RPS6KC1: variants seen among roughly 807,000 people sequenced by gnomAD.
RPS6KC1 encodes the protein ribosomal protein S6 kinase C1.
Under a neutral mutation model 103.8 loss-of-function variants are expected in RPS6KC1, and 54 were observed. The observed-to-expected ratio is 0.52, with a 90% CI of 0.42 to 0.65. The LOEUF is 0.65. Among genes scored for constraint, RPS6KC1 ranks in the 30% least tolerant of loss-of-function variants. The probability of loss-of-function intolerance (pLI) is 0.00; values close to 1 mark genes in which losing one functional copy is unlikely to be tolerated. For synonymous variants in RPS6KC1, 439 were observed against 438.7 expected, an observed-to-expected ratio of 1.00 and a Z score of -0.01; for missense variants, 1,151 against 1,253.8, an observed-to-expected ratio of 0.92 and a Z score of 1.24.
the RPS6KC1 span, among the ~76,000 whole-genome samples, chr1:213,535,045 T>TGGCATCAGGG: frequency 1.3e-5 from 2 of 152,234 alleles, no homozygotes; most frequent in Non-Finnish European, 2.9e-5. Flanking sequence ...CCTAGTGGCT[T>TGGCATCAGGG]GGCATCAGGG....
the RPS6KC1 span, among the ~76,000 whole-genome samples, chr1:213,386,665 G>A: frequency 6.6e-6 from 1 of 152,130 alleles, no homozygotes; most frequent in African/African-American, 2.4e-5. Context: ...GGCAGATGTT[G>A]GGGGACTCGG....
At chr1:213,216,091 TAA>T (rs1443824647) in intron 8 of RPS6KC1, among the ~76,000 whole-genome samples, 1 of 152,126 alleles carries the variant, frequency 6.6e-6, no homozygotes, top group Non-Finnish European at 1.5e-5. Context: ...GCAAATTGGA[TAA>T]AGAGTCAAGA....
the RPS6KC1 span, among the ~76,000 whole-genome samples, chr1:213,499,291 G>A: frequency 0.25 from 38,441 of 152,036 alleles, 5,485 homozygotes; most frequent in Middle Eastern, 0.38. Flanking sequence ...TTGACTACAG[G>A]ACTACGTTTC....
the RPS6KC1 span, among the ~76,000 whole-genome samples, chr1:213,451,553 G>A: frequency 0.028 from 4,328 of 152,320 alleles, 86 homozygotes; most frequent in East Asian, 0.052. Context: ...CACACAGTGG[G>A]TGTGGGGGAG....
At chr1:213,529,029 G>A in the RPS6KC1 span, among the ~76,000 whole-genome samples, 1 of 152,128 alleles carries the variant, frequency 6.6e-6, no homozygotes, top group Admixed American at 6.5e-5. Context: ...CATTAGGAAC[G>A]AAACATTGGA....
At chr1:213,325,286 A>C in the RPS6KC1 span, among the ~76,000 whole-genome samples, 1 of 152,020 alleles carries the variant, frequency 6.6e-6, no homozygotes, top group Non-Finnish European at 1.5e-5. Flanking sequence ...TCGCTTTCTA[A>C]GTGTCTTGAT....
At chr1:213,856,562 A>G in the RPS6KC1 span, among the ~76,000 whole-genome samples, 2 of 120,490 alleles carry the variant, frequency 1.7e-5, no homozygotes, top group Non-Finnish European at 3.4e-5. Context: ...TCTTTCCTTT[A>G]TTTTATGGCC....
intron 2 of RPS6KC1, among the ~76,000 whole-genome samples, chr1:213,075,838 C>T (rs1388993484): frequency 6.6e-6 from 1 of 152,102 alleles, no homozygotes; most frequent in Non-Finnish European, 1.5e-5. Flanking sequence ...ACCCCCGGTG[C>T]CCTCCCCTTT....
the RPS6KC1 span, among the ~76,000 whole-genome samples, chr1:213,754,354 C>T: frequency 6.6e-6 from 1 of 152,178 alleles, no homozygotes; most frequent in East Asian, 1.9e-4. Context: ...ACTTAAATTC[C>T]CTCTCAAAGG....
chr1:213,807,600 G>C, the RPS6KC1 span, among the ~76,000 whole-genome samples: 1 of 151,868 alleles, frequency 6.6e-6, no homozygotes, highest in African/African-American at 2.4e-5. Flanking sequence ...CATTCTTCAC[G>C]TAGTTCTTGA....
chr1:213,420,554 G>A, the RPS6KC1 span, among the ~76,000 whole-genome samples: 2 of 152,174 alleles, frequency 1.3e-5, no homozygotes, highest in Non-Finnish European at 2.9e-5. Flanking sequence ...GTGGAGGGTA[G>A]TGAGGAGTGT....
At chr1:213,411,982 C>A in the RPS6KC1 span, among the ~76,000 whole-genome samples, 6 of 152,294 alleles carry the variant, frequency 3.9e-5, 1 homozygote, top group East Asian at 7.7e-4. Flanking sequence ...GGCCTCCCTG[C>A]ATATTTTGTG....
the RPS6KC1 span, among the ~76,000 whole-genome samples, chr1:213,370,248 ATTTATTTTAT>A: frequency 8.4e-4 from 120 of 142,154 alleles, 2 homozygotes; most frequent in African/African-American, 1.8e-3. Context: ...ATTTTATTTT[ATTTATTTTAT>A]TTTATTTTAT....
the RPS6KC1 span, among the ~76,000 whole-genome samples, chr1:213,533,418 C>T: frequency 6.6e-6 from 1 of 152,100 alleles, no homozygotes; most frequent in South Asian, 2.1e-4. Flanking sequence ...CAATATGGTA[C>T]ATATTATTTT....
In RPS6KC1 at chr1:213,216,118, G is replaced by A. The variant is rs558670607; in HGVS notation, c.1045-14379G>A. On this transcript the variant is annotated intron_variant, in intron 8 of 14. Transcript: ENST00000366960. ...AAGAGTCAAGACCCATCAGTGTGCT[G>A]TATTCAGGAAACCCATCTCACATGC... is the stretch of plus-strand genomic sequence containing the variant. 1.5e-3 allele frequency among the ~76,000 whole-genome samples: 230 copies of A among 152,276 alleles called. 2 individuals carry two copies. The highest frequency in any genetic ancestry group is 7.7e-4 in the East Asian group (4 of 5,188).
At chr1:213,556,690 A>G in the RPS6KC1 span, among the ~76,000 whole-genome samples, 2 of 152,242 alleles carry the variant, frequency 1.3e-5, no homozygotes, top group Admixed American at 1.3e-4. Context: ...CAGGCATCAG[A>G]CATTATCATC....
At chr1:213,163,326 G>A (rs1272904936) in intron 6 of RPS6KC1, among the ~76,000 whole-genome samples, 2 of 152,182 alleles carry the variant, frequency 1.3e-5, no homozygotes, top group Non-Finnish European at 2.9e-5. Context: ...AGGGCCCATT[G>A]GGAGAGTATT....
chr1:213,862,721 C>A, the RPS6KC1 span, among the ~76,000 whole-genome samples: 1 of 152,108 alleles, frequency 6.6e-6, no homozygotes, highest in Non-Finnish European at 1.5e-5. Flanking sequence ...AAAAAGAGAC[C>A]ACTAATTATC....
At chr1:213,826,088 A>AGTCAT in the RPS6KC1 span, among the ~76,000 whole-genome samples, 1 of 152,186 alleles carries the variant, frequency 6.6e-6, no homozygotes, top group Admixed American at 6.5e-5. Flanking sequence ...GCCAAGGACT[A>AGTCAT]TGGTGGGAAC....
Sources: gnomAD v4.1 joint callset for allele counts (sites outside exome capture counted in the v4.1 genomes callset) on GRCh38, gnomAD v4.1.1 for gene constraint, MANE v1.5 for transcripts, NCBI Gene and HGNC (gene_info 2026-07-23, HGNC 2026-07-21) for gene names.